Variants in B4GALT1 observed in about 807,000 individuals in gnomAD.
The protein encoded by B4GALT1 is N-acetyllactosamine synthase.
In B4GALT1, 16 loss-of-function variants were observed where a neutral mutation model predicts 34.9. That is an observed-to-expected ratio of 0.46 (90% CI 0.31 to 0.70). The LOEUF is 0.70. B4GALT1 is among the 30% of genes least tolerant of loss of function. The probability of loss-of-function intolerance (pLI) is 0.05; values close to 1 mark genes in which losing one functional copy is unlikely to be tolerated. For synonymous variants in B4GALT1, 221 were observed against 218.1 expected (o/e 1.01, Z -0.12); for missense variants, 445 against 530.5 (o/e 0.84, Z 1.58).
At chr9:33,135,895 GTGTGTGTGTGTGTGTA>G (rs1320253043) in intron 1 of B4GALT1, among the ~76,000 whole-genome samples, 11 of 107,446 alleles carry the variant, frequency 1.0e-4, no homozygotes, top group Non-Finnish European at 1.5e-4. Flanking sequence ...GGGGAAGTGT[GTGTGTGTGTGTGTGTA>G]TGTGTGTGTG....
chr9:33,168,838 C>T (rs1840810468), upstream of B4GALT1, among the ~76,000 whole-genome samples: 1 of 152,220 alleles, frequency 6.6e-6, no homozygotes, highest in Non-Finnish European at 1.5e-5. Flanking sequence ...ATTTTACTGG[C>T]ATCTCAAACA....
At chr9:33,160,721 A>G (rs1359278552) in intron 1 of B4GALT1, among the ~76,000 whole-genome samples, 2 of 152,174 alleles carry the variant, frequency 1.3e-5, no homozygotes, top group African/African-American at 2.4e-5. Flanking sequence ...AGCCGTGATC[A>G]CTGCACTCCA....
At chr9:33,179,715 T>G in the B4GALT1 span, 1 of 152,242 alleles carries the variant, frequency 6.6e-6, no homozygotes, top group Non-Finnish European at 1.5e-5. Context: ...AAAATAGGCT[T>G]TGTGTTAGAT....
rs565067922 is a variant in B4GALT1, at chr9:33,132,647, A to G, written c.648+2542T>C. On this transcript the variant is annotated intron_variant, in intron 2 of 5. Transcript: ENST00000379731. ...CAGGAGCATGTAGCTGGCAGAGGAC[A>G]TTCAGAAATCTACTGTGTTGAGCCT... Among the ~76,000 whole-genome samples, 85 of 152,320 alleles carry G rather than the reference A, an allele frequency of 5.6e-4. 1 individual carries two copies. Among genetic ancestry groups the G allele is most frequent in the African/African-American group, 1.9e-3 (81 of 41,568 alleles).
intron 1 of B4GALT1, among the ~76,000 whole-genome samples, chr9:33,141,500 G>A (rs536157995): frequency 1.3e-5 from 2 of 152,274 alleles, no homozygotes; most frequent in African/African-American, 2.4e-5. Flanking sequence ...CTGGGCGACA[G>A]AGCAAGACTC....
chr9:33,135,589 C>T (rs1840257311), intron 1 of B4GALT1, among the ~76,000 whole-genome samples, 165 bp from the exon 2 acceptor site: 1 of 152,222 alleles, frequency 6.6e-6, no homozygotes, highest in Admixed American at 6.5e-5. Flanking sequence ...TCAGGCACCA[C>T]ATCCAGCATT....
At chr9:33,136,021 AG>A (rs1178296927) in intron 1 of B4GALT1, among the ~76,000 whole-genome samples, 1 of 151,898 alleles carries the variant, frequency 6.6e-6, no homozygotes, top group African/African-American at 2.4e-5. Context: ...CCCATGTCCC[AG>A]GAAGGGACTC....
the B4GALT1 span, chr9:33,178,752 A>C: frequency 3.3e-5 from 5 of 152,274 alleles, no homozygotes; most frequent in African/African-American, 1.2e-4. Flanking sequence ...GAAGCCTGGC[A>C]ACTGCCTTCA....
At chr9:33,162,973 G>GA (rs930109382) in intron 1 of B4GALT1, among the ~76,000 whole-genome samples, 2 of 151,962 alleles carry the variant, frequency 1.3e-5, no homozygotes, top group Admixed American at 6.6e-5. Flanking sequence ...TATTTTCCAC[G>GA]AAAAAAACAA....
the B4GALT1 span, among the ~76,000 whole-genome samples, chr9:33,183,644 A>C: frequency 1.6e-5 from 1 of 63,016 alleles, no homozygotes; most frequent in African/African-American, 6.7e-5. Context: ...GGGTGGGGGG[A>C]GGGGGGAGGG....
chr9:33,145,500 C>A (rs1840412167), intron 1 of B4GALT1, among the ~76,000 whole-genome samples: 1 of 152,122 alleles, frequency 6.6e-6, no homozygotes, highest in Admixed American at 6.6e-5. Context: ...GAAACAGCAC[C>A]ATGATCAGAT....
intron 1 of B4GALT1, among the ~76,000 whole-genome samples, chr9:33,147,001 C>T (rs1208582124): frequency 2.6e-5 from 4 of 151,774 alleles, no homozygotes; most frequent in Admixed American, 2.6e-4. Flanking sequence ...ACACCTGGCC[C>T]CCAAATGCAA....
chr9:33,108,307 C>G (rs1839816655), downstream of B4GALT1, among the ~76,000 whole-genome samples: 1 of 151,786 alleles, frequency 6.6e-6, no homozygotes, highest in Admixed American at 6.6e-5. Context: ...CTCTAAAAAA[C>G]AAACAAATAA....
In B4GALT1 at chr9:33,135,234, G is replaced by T; in HGVS notation, c.603C>A (p.Val201=). ...CATAGTCCAGCTGCTGGCGCTGCAGGACTGGGTGCAAATAATATAGCCAGT... is the reference window on the plus strand; with the variant it reads ...CATAGTCCAGCTGCTGGCGCTGCAGTACTGGGTGCAAATAATATAGCCAGT... ...LKYWLYYLHP[V]LQRQQLDYGI... Residue 201 remains valine, a synonymous_variant, in exon 2 of 6, where the codon GTC becomes GTA. Coordinates refer to ENST00000379731, the MANE Select transcript of B4GALT1 (RefSeq NM_001497.4). The T allele has an allele frequency of 6.2e-7, 1 of 1,614,192 alleles. No homozygotes were observed. The highest frequency in any genetic ancestry group is 8.5e-7 in the Non-Finnish European group (1 of 1,180,042).
At chr9:33,139,565 C>A (rs1305127191) in intron 1 of B4GALT1, among the ~76,000 whole-genome samples, 1 of 152,332 alleles carries the variant, frequency 6.6e-6, no homozygotes, top group East Asian at 1.9e-4. Flanking sequence ...GGTCGAGTGC[C>A]AGCCAGGAGG....
At chr9:33,142,102 C>G (rs1840358624) in intron 1 of B4GALT1, among the ~76,000 whole-genome samples, 1 of 152,156 alleles carries the variant, frequency 6.6e-6, no homozygotes, top group Non-Finnish European at 1.5e-5. Context: ...CCTGCCACAG[C>G]CTCCCGAGTA....
At chr9:33,183,285 A>G in the B4GALT1 span, among the ~76,000 whole-genome samples, 118 of 152,110 alleles carry the variant, frequency 7.8e-4, no homozygotes, top group Non-Finnish European at 2.2e-4. Context: ...AAAACATAGG[A>G]TGATACCCAA....
chr9:33,116,352 C>T (rs1839938246), intron 3 of B4GALT1, among the ~76,000 whole-genome samples: 1 of 151,854 alleles, frequency 6.6e-6, no homozygotes, highest in African/African-American at 2.4e-5. Flanking sequence ...CTGCCTCAGC[C>T]TCCTGAGGAG....
At chr9:33,174,466 C>T in the B4GALT1 span, among the ~76,000 whole-genome samples, 139,605 of 152,072 alleles carry the variant, frequency 0.92, 64,182 homozygotes, top group East Asian at 1. Flanking sequence ...CTGGCCAACA[C>T]GGCGAAACCC....
Sources: gnomAD v4.1 joint callset for allele counts (sites outside exome capture counted in the v4.1 genomes callset) on GRCh38, gnomAD v4.1.1 for gene constraint, MANE v1.5 for transcripts, NCBI Gene and HGNC (gene_info 2026-07-23, HGNC 2026-07-21) for gene names.